The following JMY variants were observed in gnomAD, a reference collection of about 807,000 sequenced individuals.
The protein encoded by JMY is junction-mediating and -regulatory protein.
JMY carries 46 observed loss-of-function variants against 103.3 expected under a neutral mutation model. The ratio of observed to expected loss-of-function variants is 0.45; its 90% CI spans 0.35 to 0.57. The LOEUF (loss-of-function observed/expected upper bound fraction) is 0.57. Among genes scored for constraint, JMY ranks in the 20% least tolerant of loss-of-function variants. JMY has a pLI of 0.00. For missense variants in JMY, 1,238 were observed against 1,255.2 expected (o/e 0.99, Z 0.21); for synonymous variants, 526 against 489.3 (o/e 1.07, Z -0.99).
chr5:79,257,846 T>G (rs745611133), intron 1 of JMY, among the ~76,000 whole-genome samples: 14 of 152,082 alleles, frequency 9.2e-5, no homozygotes, highest in Non-Finnish European at 1.8e-4. Context: ...CACTGCAACT[T>G]CTGCCTCCTG....
rs1744497360 is a variant in JMY at position 79,236,493 on chromosome 5, G to A, written c.-158G>A. Reference sequence around the variant, plus strand: ...CACAAAGGAGCTCGGCGGTCGGGGCGCGGAGGGACAGGCGAACGAGCCGGG... The same window carrying A: ...CACAAAGGAGCTCGGCGGTCGGGGCACGGAGGGACAGGCGAACGAGCCGGG... On this transcript the variant is annotated 5_prime_UTR_variant, in exon 1 of 11. Transcript: ENST00000396137. 2 of 486,148 alleles carry A rather than the reference G, an allele frequency of 4.1e-6. No homozygotes were observed. Among genetic ancestry groups the A allele is most frequent in the Admixed American group, 4.4e-5 (1 of 22,490 alleles). The allele number at this position is 486,148 out of a possible 1,614,324, so 30.1% of individuals were successfully genotyped here. A position where few individuals can be genotyped will look rare whatever the true frequency, so the allele number is the denominator to read the frequency against.
intron 1 of JMY, among the ~76,000 whole-genome samples, chr5:79,268,479 T>A (rs59521774): frequency 0.039 from 5,836 of 149,848 alleles, 355 homozygotes; most frequent in African/African-American, 0.14. Flanking sequence ...TTTATTTATT[T>A]TTTATTTATT....
Position 79,325,109 on chromosome 5 carries a change from T to C in JMY, c.*3507T>C, listed in dbSNP as rs960434150. ...TGGAATGGGATCAGTATACAATTAA[T>C]ACAATTTAATTTTACACATTCCCTA... On this transcript the variant is annotated 3_prime_UTR_variant, in exon 11 of 11. Coordinates refer to ENST00000396137, the MANE Select transcript of JMY (RefSeq NM_152405.5). 6.6e-6 allele frequency: 1 copy of C among 152,620 alleles called. No homozygotes were observed. Among genetic ancestry groups the C allele is most frequent in the African/African-American group, 2.4e-5 (1 of 41,470 alleles). The allele number at this position is 152,620 out of a possible 1,614,324, so 9.5% of individuals were successfully genotyped here. A position where few individuals can be genotyped will look rare whatever the true frequency, so the allele number is the denominator to read the frequency against.
chr5:79,244,785 T>G (rs1015474060), intron 1 of JMY, among the ~76,000 whole-genome samples: 4 of 151,868 alleles, frequency 2.6e-5, no homozygotes, highest in Non-Finnish European at 5.9e-5. Context: ...GTTCCAAGTG[T>G]AAGAGACATA....
Position 79,314,326 on chromosome 5 carries a change from G to A in JMY, c.2134G>A (p.Ala712Thr). The stretch of plus-strand genomic sequence containing the variant: ...AGCTCATGCAAGAAGAAAAGGTGCA[G>A]CAAGTCCTGTTCTCCAAGAGGATCA... ...RLAHARRKGA[A>T]SPVLQEDHCD... is the part of the protein sequence containing the mutation. The change falls in exon 9 of 11, where the codon GCA becomes ACA. Residue 712 changes from alanine to threonine, a missense_variant. By Grantham distance (58) the Ala-to-Thr change is moderately conservative. Transcript: ENST00000396137. 6.2e-7 allele frequency: 1 copy of A among 1,614,192 alleles called. No individual in the cohort carries two copies. Among genetic ancestry groups the A allele is most frequent in the African/African-American group, 1.3e-5 (1 of 75,054 alleles).
Position 79,254,834 on chromosome 5 carries a change from C to CT in JMY, c.1032+17162dup, listed in dbSNP as rs373774557. 5.8e-3 allele frequency among the ~76,000 whole-genome samples: 859 copies of CT among 148,412 alleles called. 11 individuals are homozygous for CT. Among genetic ancestry groups the CT allele is most frequent in the African/African-American group, 0.02 (802 of 40,488 alleles). On this transcript the variant is annotated intron_variant, in intron 1 of 10. Coordinates refer to ENST00000396137, the MANE Select transcript of JMY (RefSeq NM_152405.5). ...CTGCAGTCACACTTCATTGTTTTCT[C>CT]TTTTTTTTTTCCTCTTGACTGTATT...
chr5:79,259,699 AC>A lies in JMY; in HGVS notation c.1033-18208del, dbSNP rs530973565. Among the ~76,000 whole-genome samples the A allele has an allele frequency of 3.0e-4, 46 of 152,316 alleles. No homozygotes were observed. The South Asian group carries it at 8.9e-3, about 30-fold the overall frequency. Reference sequence around the variant, plus strand: ...CAGCACTGCCCCCGAGCCTGTGCACACCCAGCCAGGTTGTGACAGACCTAGG... The same window carrying A: ...CAGCACTGCCCCCGAGCCTGTGCACACCAGCCAGGTTGTGACAGACCTAGG... On this transcript the variant is annotated intron_variant, in intron 1 of 10. Transcript: ENST00000396137.
chr5:79,307,952 G>A (rs371852841), intron 7 of JMY, among the ~76,000 whole-genome samples: 13 of 152,240 alleles, frequency 8.5e-5, no homozygotes, highest in African/African-American at 3.1e-4. Flanking sequence ...GGCCAGGCTG[G>A]TCTTGAACTC....
At chr5:79,287,767 T>C (rs917684959) in intron 2 of JMY, among the ~76,000 whole-genome samples, 6 of 152,246 alleles carry the variant, frequency 3.9e-5, no homozygotes, top group Non-Finnish European at 8.8e-5. Flanking sequence ...GGTAGCAAAC[T>C]ATGTTATCTT....
chr5:79,277,782 C>T (rs576914319), intron 1 of JMY, 128 bp from the exon 2 acceptor site: 1 of 682,058 alleles, frequency 1.5e-6, no homozygotes, highest in African/African-American at 1.8e-5. Flanking sequence ...GCAGTCAATG[C>T]TTTTCATTCC....
At chr5:79,293,743 C>T (rs1211676992) in intron 4 of JMY, among the ~76,000 whole-genome samples, 3 of 152,210 alleles carry the variant, frequency 2.0e-5, no homozygotes, top group Non-Finnish European at 4.4e-5. Context: ...CTGATTTCCT[C>T]ATCAAAACTG....
At chr5:79,317,457 A>G (rs1468007101) in intron 10 of JMY, among the ~76,000 whole-genome samples, 1 of 152,164 alleles carries the variant, frequency 6.6e-6, no homozygotes, top group Non-Finnish European at 1.5e-5. Context: ...AGAAACATTA[A>G]AGATAACATG....
intron 1 of JMY, among the ~76,000 whole-genome samples, chr5:79,269,626 T>G (rs1745682914): frequency 6.6e-6 from 1 of 152,222 alleles, no homozygotes; most frequent in African/African-American, 2.4e-5. Context: ...TATAGCTTTC[T>G]TGTTAAAGAT....
At chr5:79,270,315 ATATATT>A (rs1561297491) in intron 1 of JMY, among the ~76,000 whole-genome samples, 2 of 142,202 alleles carry the variant, frequency 1.4e-5, no homozygotes, top group African/African-American at 5.4e-5. Context: ...TATTTAAAAT[ATATATT>A]TACATAAATA....
chr5:79,322,040 T>G lies in JMY; in HGVS notation c.*438T>G, dbSNP rs1747469491. ...ATCTGAAAAAATAGCTTCTTCCATA[T>G]CAGCTTATATTAAATACTGTGACAC... On this transcript the variant is annotated 3_prime_UTR_variant, in exon 11 of 11. Coordinates refer to ENST00000396137, the MANE Select transcript of JMY (RefSeq NM_152405.5). 6.6e-6 allele frequency: 1 copy of G among 152,222 alleles called. No individual in the cohort carries two copies. Among genetic ancestry groups the G allele is most frequent in the South Asian group, 2.1e-4 (1 of 4,836 alleles). The allele number at this position is 152,222 out of a possible 1,614,324, so 9.4% of individuals were successfully genotyped here.
intron 6 of JMY, among the ~76,000 whole-genome samples, chr5:79,301,725 A>G (rs762126798): frequency 4.6e-5 from 7 of 152,108 alleles, no homozygotes; most frequent in Non-Finnish European, 1.0e-4. Context: ...GACAGTGGTA[A>G]TTGAAACCCA....
chr5:79,247,234 A>G (rs956704561), intron 1 of JMY, among the ~76,000 whole-genome samples: 1 of 152,222 alleles, frequency 6.6e-6, no homozygotes, highest in African/African-American at 2.4e-5. Context: ...TTAATTATAT[A>G]CATATACTGT....
chr5:79,277,528 C>T (rs572062202), intron 1 of JMY, among the ~76,000 whole-genome samples: 2 of 151,746 alleles, frequency 1.3e-5, no homozygotes, highest in East Asian at 3.9e-4. Context: ...GTCCCAGCTA[C>T]TTGGGAGGCT....
intron 6 of JMY, among the ~76,000 whole-genome samples, chr5:79,301,952 A>G (rs1339350671): frequency 6.6e-5 from 10 of 151,978 alleles, no homozygotes; most frequent in Non-Finnish European, 1.3e-4. Flanking sequence ...GCATGGTGGC[A>G]CGCGCCTGTA....
Sources: allele counts gnomAD v4.1 joint callset (sites outside exome capture counted in the v4.1 genomes callset), GRCh38; gene constraint gnomAD v4.1.1; transcripts MANE v1.5; gene names NCBI Gene and HGNC (gene_info 2026-07-23, HGNC 2026-07-21).